CAV1: variants seen among roughly 807,000 people sequenced by gnomAD.
CAV1 encodes caveolin-1.
CAV1 carries 10 observed loss-of-function variants against 16.5 expected under a neutral mutation model. The observed-to-expected ratio is 0.61, with a 90% confidence interval of 0.37 to 1.03. CAV1 has a LOEUF of 1.03. Ranked by LOEUF, CAV1 falls within the 50% of genes least tolerant of loss-of-function variation. CAV1 has a pLI of 0.01. For synonymous variants in CAV1, 76 were observed against 85.1 expected (o/e 0.89, Z 0.59); for missense variants, 212 against 232.8 (o/e 0.91, Z 0.58).
intron 2 of CAV1, among the ~76,000 whole-genome samples, chr7:116,554,905 C>A (rs975862785): frequency 2.0e-5 from 3 of 152,084 alleles, no homozygotes; most frequent in African/African-American, 7.2e-5. Context: ...GGCAAAAATG[C>A]GCAGACTTGA....
intron 2 of CAV1, among the ~76,000 whole-genome samples, chr7:116,548,725 T>C (rs1794101409): frequency 1.3e-5 from 2 of 152,062 alleles, no homozygotes; most frequent in Admixed American, 6.5e-5. Flanking sequence ...GAGAGCAAAA[T>C]CCTGTGTTTG....
intron 2 of CAV1, among the ~76,000 whole-genome samples, chr7:116,545,559 GA>G (rs1175018136): frequency 6.6e-6 from 1 of 152,170 alleles, no homozygotes; most frequent in Non-Finnish European, 1.5e-5. Context: ...AGAAGCACTG[GA>G]GGAAAAAATA....
At chr7:116,532,756 C>T (rs1206455277) in intron 2 of CAV1, among the ~76,000 whole-genome samples, 1 of 152,160 alleles carries the variant, frequency 6.6e-6, no homozygotes, top group African/African-American at 2.4e-5. Flanking sequence ...TTGTAACTGT[C>T]TTCTCTAAAA....
At chr7:116,533,340 A>G in intron 2 of CAV1, among the ~76,000 whole-genome samples, 1 of 35,068 alleles carries the variant, frequency 2.9e-5, no homozygotes, top group South Asian at 1.5e-3. Context: ...CCGTCTCAAA[A>G]AATAAAATAA....
At chr7:116,536,484 C>G (rs1226095335) in intron 2 of CAV1, among the ~76,000 whole-genome samples, 1 of 152,140 alleles carries the variant, frequency 6.6e-6, no homozygotes, top group Non-Finnish European at 1.5e-5. Flanking sequence ...CAGCAGTCTC[C>G]AAAGCCGAAC....
At chr7:116,531,596 T>C (rs1349832729) in intron 2 of CAV1, among the ~76,000 whole-genome samples, 1 of 152,218 alleles carries the variant, frequency 6.6e-6, no homozygotes, top group Non-Finnish European at 1.5e-5. Flanking sequence ...ATTTTTATTA[T>C]TATTATTATA....
chr7:116,542,146 A>G (rs1793954010), intron 2 of CAV1, among the ~76,000 whole-genome samples: 1 of 152,230 alleles, frequency 6.6e-6, no homozygotes, highest in Non-Finnish European at 1.5e-5. Flanking sequence ...AGCATGAAGC[A>G]TTATCTGTAT....
intron 2 of CAV1, among the ~76,000 whole-genome samples, chr7:116,532,035 C>T (rs906858388): frequency 6.6e-6 from 1 of 152,188 alleles, no homozygotes; most frequent in Non-Finnish European, 1.5e-5. Context: ...AGTCTTTTCC[C>T]TCCTCCATCT....
chr7:116,537,889 G>A (rs990010623), intron 2 of CAV1, among the ~76,000 whole-genome samples: 5 of 152,232 alleles, frequency 3.3e-5, no homozygotes, highest in Non-Finnish European at 5.9e-5. Flanking sequence ...GGGCAGGTGT[G>A]GCCAGAGTAG....
intron 2 of CAV1, among the ~76,000 whole-genome samples, chr7:116,528,659 T>G (rs1267944745): frequency 6.6e-6 from 1 of 152,100 alleles, no homozygotes; most frequent in Non-Finnish European, 1.5e-5. Flanking sequence ...CAGGGTCCTA[T>G]CTACATCTTA....
At chr7:116,529,069 A>G (rs1342656318) in intron 2 of CAV1, among the ~76,000 whole-genome samples, 1 of 152,134 alleles carries the variant, frequency 6.6e-6, no homozygotes, top group Non-Finnish European at 1.5e-5. Flanking sequence ...ACCTCAAGTG[A>G]TCCACTGGTC....
chr7:116,558,566 C>T (rs1794337041), intron 2 of CAV1, among the ~76,000 whole-genome samples: 1 of 147,886 alleles, frequency 6.8e-6, no homozygotes, highest in Non-Finnish European at 1.5e-5. Flanking sequence ...TGGGCAATAT[C>T]GTGAGACTCC....
chr7:116,543,963 A>T lies in CAV1; in HGVS notation c.196-14983A>T, dbSNP rs187878627. 4.2e-3 allele frequency among the ~76,000 whole-genome samples: 638 copies of T among 152,306 alleles called. 1 individual carries two copies. Among genetic ancestry groups the T allele is most frequent in the Admixed American group, 6.3e-3 (96 of 15,300 alleles). ...AAGAGTTTGTTTCTCTCTGACTCAT[A>T]TAAAGTTTACCATTTAGGCCCCTGC... On this transcript the variant is annotated intron_variant, in intron 2 of 2. Transcript: ENST00000341049.
At chr7:116,557,258 A>C (rs983370394) in intron 2 of CAV1, among the ~76,000 whole-genome samples, 1 of 152,226 alleles carries the variant, frequency 6.6e-6, no homozygotes, top group African/African-American at 2.4e-5. Flanking sequence ...GTTCTACAAA[A>C]TAAACTTTAA....
In CAV1 at chr7:116,560,857, C is replaced by T. The variant is rs1227025294; in HGVS notation, c.*1570C>T. 6.6e-6 allele frequency: 1 copy of T among 152,532 alleles called. No individual in the cohort carries two copies. The highest frequency in any genetic ancestry group is 2.4e-5 in the African/African-American group (1 of 41,420). The allele number at this position is 152,532 out of a possible 1,614,324, so 9.4% of individuals were successfully genotyped here. A position where few individuals can be genotyped will look rare whatever the true frequency, so the allele number is the denominator to read the frequency against. ...CTACTTTGACTTTTTGCATTTAAAA[C>T]AGACACTGGCATGGATATAGTTTTA... On this transcript the variant is annotated 3_prime_UTR_variant, in exon 3 of 3. Coordinates refer to ENST00000341049, the MANE Select transcript of CAV1 (RefSeq NM_001753.5).
intron 2 of CAV1, among the ~76,000 whole-genome samples, chr7:116,538,714 C>T (rs567152585): frequency 5.9e-5 from 9 of 152,156 alleles, no homozygotes; most frequent in African/African-American, 1.7e-4. Context: ...TCTGTTTTCA[C>T]GCTGCTGATA....
chr7:116,552,782 G>T (rs1031494178), intron 2 of CAV1, among the ~76,000 whole-genome samples: 4 of 152,154 alleles, frequency 2.6e-5, no homozygotes, highest in Non-Finnish European at 5.9e-5. Flanking sequence ...GATCTCATTG[G>T]CCAGAACTGA....
chr7:116,527,279 A>G (rs1193955335), intron 2 of CAV1, among the ~76,000 whole-genome samples: 1 of 152,266 alleles, frequency 6.6e-6, no homozygotes, highest in Non-Finnish European at 1.5e-5. Context: ...AACTAGACTA[A>G]CAAGTCACTT....
In CAV1 at chr7:116,540,242, A is replaced by G. The variant is rs148683977; in HGVS notation, c.195+13553A>G. ...TCTCTTTTCAGGAAAAAGAAAAACAACAACAATAACAACACATTAATGACT... is the reference window on the plus strand; with the variant it reads ...TCTCTTTTCAGGAAAAAGAAAAACAGCAACAATAACAACACATTAATGACT... On this transcript the variant is annotated intron_variant, in intron 2 of 2. Transcript: ENST00000341049. 7.2e-5 allele frequency among the ~76,000 whole-genome samples: 11 copies of G among 152,272 alleles called. No individual in the cohort carries two copies. The East Asian group carries it at 1.9e-3, about 27-fold the overall frequency.
Sources: gnomAD v4.1 joint callset for allele counts (sites outside exome capture counted in the v4.1 genomes callset) on GRCh38, gnomAD v4.1.1 for gene constraint, MANE v1.5 for transcripts, NCBI Gene and HGNC (gene_info 2026-07-23, HGNC 2026-07-21) for gene names.